KIF21B: variants seen among roughly 807,000 people sequenced by gnomAD.
KIF21B encodes the protein kinesin-like protein KIF21B.
In KIF21B, 85 loss-of-function variants were observed where a neutral mutation model predicts 192.9. That is an observed-to-expected ratio of 0.44 (90% CI 0.37 to 0.53). The LOEUF is 0.53. Ranked by LOEUF, KIF21B falls within the 20% of genes least tolerant of loss-of-function variation. KIF21B has a pLI of 0.00. For missense variants in KIF21B, 1,716 were observed against 2,194.8 expected (o/e 0.78, Z 4.36); for synonymous variants, 832 against 884.6 (o/e 0.94, Z 1.05).
rs377546638 is a variant in KIF21B at position 201,008,185 on chromosome 1, T to C, written c.447+584A>G. On this transcript the variant is annotated intron_variant, in intron 3 of 34. Transcript: ENST00000461742. ...GGTCAAGAGCACAGAGACCCCCTGC[T>C]CCCCACTAAAAGCCCCTCCCTGGCT... Among the ~76,000 whole-genome samples the C allele has an allele frequency of 2.9e-4, 44 of 152,216 alleles. No individual in the cohort carries two copies. The East Asian group carries it at 6.6e-3, about 23-fold the overall frequency.
intron 1 of KIF21B, among the ~76,000 whole-genome samples, chr1:201,021,232 G>A (rs544358238): frequency 6.6e-6 from 1 of 152,316 alleles, no homozygotes; most frequent in East Asian, 1.9e-4. Context: ...TCAGTCCTAA[G>A]CTCTCTGATT....
At chr1:201,003,396 G>A in intron 8 of KIF21B, 190 bp downstream of exon 8, 1 of 634,888 alleles carries the variant, frequency 1.6e-6, no homozygotes, top group Non-Finnish European at 2.8e-6. Flanking sequence ...GATTCACATG[G>A]GTGAGTCCCT....
At position 201,003,596 on chromosome 1, in the gene KIF21B, T is replaced by TC. The variant is rs1164200022; in HGVS notation, c.1201dup (p.Glu401GlyfsTer3). On this transcript the variant is annotated frameshift_variant, in exon 8 of 35. Coordinates refer to ENST00000461742, the MANE Select transcript of KIF21B (RefSeq NM_001252102.2). LOFTEE classifies it high-confidence loss of function. ...CAGGAGCATGCTCACCGCCTTATAC[T>TC]CCATCAGCTCCATCTGCAGCCGAGC... 1 of 1,613,692 alleles carries TC rather than the reference T, an allele frequency of 6.2e-7. No individual in the cohort carries two copies. Among genetic ancestry groups the TC allele is most frequent in the African/African-American group, 1.3e-5 (1 of 74,916 alleles).
In KIF21B at chr1:200,977,327, G is replaced by A. The variant is rs564491313; in HGVS notation, c.4210C>T (p.Arg1404Cys). 9 of 1,614,248 alleles carry A rather than the reference G, an allele frequency of 5.6e-6. No homozygotes were observed. Among genetic ancestry groups the A allele is most frequent in the African/African-American group, 2.7e-5 (2 of 75,072 alleles). ...TCGCCCTGAGCACTGGTGATGGCAC[G>A]GGTGGATGTGGCGGCACAGGCATCC... Reference protein sequence around the residue: ...SGDACAATSTRAITSAQGEHQ... With the variant: ...SGDACAATSTCAITSAQGEHQ... Residue 1404 changes from arginine to cysteine, a missense_variant, in exon 31 of 35, where the codon CGT becomes TGT. Physicochemically the swap from Arg to Cys is radical, Grantham distance 180 (BLOSUM62 -3). Transcript: ENST00000461742.
In KIF21B at chr1:200,974,776, C is replaced by T; in HGVS notation, c.4752G>A (p.Lys1584=). The change falls in exon 34 of 35, where the codon AAG becomes AAA. Residue 1584 remains lysine (K), a synonymous_variant. Transcript: ENST00000461742. The part of the protein sequence containing the change: ...VDNFTPIGEI[K]GHDSPINAIC... ...TGGCATTGATGGGACTGTCGTGGCCCTTGATCTCACCGATGGGTGTGAAGT... is the reference window on the plus strand; with the variant it reads ...TGGCATTGATGGGACTGTCGTGGCCTTTGATCTCACCGATGGGTGTGAAGT... 1 of 1,614,210 alleles carries T rather than the reference C, an allele frequency of 6.2e-7. No homozygotes were observed. The highest frequency in any genetic ancestry group is 1.1e-5 in the South Asian group (1 of 91,086).
chr1:200,988,636 C>T, intron 22 of KIF21B, 92 bp from the exon 23 acceptor site: 2 of 1,464,750 alleles, frequency 1.4e-6, no homozygotes, highest in Non-Finnish European at 1.9e-6. Flanking sequence ...ATCTCACCCA[C>T]TGGAATCAGA....
In KIF21B at chr1:200,975,455, C is replaced by T. The variant is rs1319384255; in HGVS notation, c.4614+44G>A. On this transcript the variant is annotated intron_variant, in intron 33 of 34. Coordinates refer to ENST00000461742, the MANE Select transcript of KIF21B (RefSeq NM_001252102.2). The surrounding 1 kb of genome is among the most constrained non-coding windows in gnomAD (Gnocchi z 4.3). Reference sequence around the variant, plus strand: ...CAAGGCCCTGCGTGGGCTATGGAAACCACCCTACCCGAGTCTACCCTCTCC... The same window carrying T: ...CAAGGCCCTGCGTGGGCTATGGAAATCACCCTACCCGAGTCTACCCTCTCC... 6.4e-7 allele frequency: 1 copy of T among 1,567,518 alleles called. No individual in the cohort carries two copies. The highest frequency in any genetic ancestry group is 1.7e-5 in the Admixed American group (1 of 57,694).
intron 3 of KIF21B, 65 bp from the exon 4 acceptor site, chr1:201,005,759 G>A (rs1657781849): frequency 1.3e-6 from 2 of 1,516,388 alleles, no homozygotes; most frequent in Non-Finnish European, 1.8e-6. Context: ...GCTGCCACAT[G>A]CCTATAAACC....
rs1657355893 is a variant in KIF21B at position 200,999,862 on chromosome 1, G to A, written c.1767+21C>T. Reference sequence around the variant, plus strand: ...ACACAAGGCATGCATGTGGTGAGGTGGGGCGGCCCGTGCTCCTCACCTCCT... The same window carrying A: ...ACACAAGGCATGCATGTGGTGAGGTAGGGCGGCCCGTGCTCCTCACCTCCT... On this transcript the variant is annotated intron_variant, in intron 12 of 34. Transcript: ENST00000461742. The surrounding 1 kb of genome is among the most constrained non-coding windows in gnomAD (Gnocchi z 4.7). 2 of 1,612,126 alleles carry A rather than the reference G, an allele frequency of 1.2e-6. No individual in the cohort carries two copies. Among genetic ancestry groups the A allele is most frequent in the Non-Finnish European group, 1.7e-6 (2 of 1,179,412 alleles).
In KIF21B at chr1:200,970,073, C is replaced by G. The variant is rs559904826; in HGVS notation, c.*3448G>C. 3 of 152,842 alleles carry G rather than the reference C, an allele frequency of 2.0e-5. No individual in the cohort carries two copies. Among genetic ancestry groups the G allele is most frequent in the South Asian group, 2.1e-4 (1 of 4,828 alleles). The allele number at this position is 152,842 out of a possible 1,614,324, so 9.5% of individuals were successfully genotyped here. On this transcript the variant is annotated 3_prime_UTR_variant, in exon 35 of 35. Coordinates refer to ENST00000461742, the MANE Select transcript of KIF21B (RefSeq NM_001252102.2). ...CCACACAAACACGATGGTGAACAGA[C>G]CAGGCACAGGCAACAACCAGGGGAT... is the stretch of plus-strand genomic sequence containing the variant.
chr1:200,975,518 T>C lies in KIF21B; in HGVS notation c.4595A>G (p.Asp1532Gly). The change falls in exon 33 of 35, where the codon GAC (aspartate) becomes GGC (glycine). Residue 1532 changes from aspartate to glycine, a missense_variant. Transcript: ENST00000461742. This position sits in a 1 kb window ranked among gnomAD's most constrained non-coding sequence, Gnocchi z 4.3. ...CCCCACCTGGATGAGCTCCTGCTGGTCTAGGTCCCACTTCTTGATGCCGTT... is the reference window on the plus strand; with the variant it reads ...CCCCACCTGGATGAGCTCCTGCTGGCCTAGGTCCCACTTCTTGATGCCGTT... ...RDNGIKKWDL[D>G]QQELIQQIPN... 6.2e-7 allele frequency: 1 copy of C among 1,612,924 alleles called. No individual in the cohort carries two copies. Among genetic ancestry groups the C allele is most frequent in the African/African-American group, 1.3e-5 (1 of 75,002 alleles).
chr1:200,984,722 G>T, intron 27 of KIF21B, 137 bp downstream of exon 27: 1 of 562,358 alleles, frequency 1.8e-6, no homozygotes, highest in East Asian at 3.4e-5. Flanking sequence ...GGGCATCAGG[G>T]CCTCAGCTCT....
rs560003934 is a variant in KIF21B, at chr1:201,017,753, G to A, written c.41+5590C>T. On this transcript the variant is annotated intron_variant, in intron 1 of 34. Coordinates refer to ENST00000461742, the MANE Select transcript of KIF21B (RefSeq NM_001252102.2). The surrounding 1 kb of genome is among the most constrained non-coding windows in gnomAD (Gnocchi z 4.1). ...AGGGTGCACCTTAAGTCAGCCTCAG[G>A]TGGGACCAGCCCAGCCTTCATAAAG... Among the ~76,000 whole-genome samples, 164 of 152,336 alleles carry A rather than the reference G, an allele frequency of 1.1e-3. No individual in the cohort carries two copies. The highest frequency in any genetic ancestry group is 3.7e-3 in the African/African-American group (154 of 41,582).
At chr1:201,010,102 C>T (rs565804933) in intron 1 of KIF21B, among the ~76,000 whole-genome samples, 9 of 152,326 alleles carry the variant, frequency 5.9e-5, no homozygotes, top group African/African-American at 1.9e-4. Flanking sequence ...CTGCCAATGC[C>T]CATGGGGGCT....
At chr1:201,007,830 CACACACAG>C (rs951010615) in intron 3 of KIF21B, among the ~76,000 whole-genome samples, 2 of 151,964 alleles carry the variant, frequency 1.3e-5, no homozygotes, top group African/African-American at 4.8e-5. Context: ...GACACAGAGC[CACACACAG>C]ACATACAGAC....
chr1:201,004,252 G>T, intron 7 of KIF21B, 88 bp downstream of exon 7: 1 of 1,109,704 alleles, frequency 9.0e-7, no homozygotes. Context: ...TCCTCCTGGG[G>T]CAGGCTTGCG....
chr1:201,008,778 C>G lies in KIF21B; in HGVS notation c.438G>C (p.Gln146His). Residue 146 changes from glutamine (Q) to histidine (H), a missense_variant, in exon 3 of 35, where the codon CAG becomes CAC. Coordinates refer to ENST00000461742, the MANE Select transcript of KIF21B (RefSeq NM_001252102.2). Reference sequence around the variant, plus strand: ...TATGGGGCCACAGTACCTCCAGAAACTGGGCGCTGACTTTGAACTCAGGTC... The same window carrying G: ...TATGGGGCCACAGTACCTCCAGAAAGTGGGCGCTGACTTTGAACTCAGGTC... ...VAGPEFKVSA[Q>H]FLELYNEEIL... 6.3e-7 allele frequency: 1 copy of G among 1,598,534 alleles called. No homozygotes were observed. Among genetic ancestry groups the G allele is most frequent in the South Asian group, 1.1e-5 (1 of 90,656 alleles).
chr1:200,993,765 C>A (rs200416110), intron 15 of KIF21B, among the ~76,000 whole-genome samples: 378 of 91,290 alleles, frequency 4.1e-3, no homozygotes, highest in Admixed American at 6.4e-3. Context: ...CAAAACAAAA[C>A]AAAAAAAAAA....
intron 32 of KIF21B, 48 bp downstream of exon 32, chr1:200,976,728 G>T: frequency 2.5e-6 from 3 of 1,223,198 alleles, no homozygotes; most frequent in Non-Finnish European, 3.5e-6. Flanking sequence ...GGCAAAGATT[G>T]GGGAGAGTGG....
Sources: gnomAD v4.1 joint callset for allele counts (sites outside exome capture counted in the v4.1 genomes callset) on GRCh38, gnomAD v4.1.1 for gene constraint, Gnocchi (gnomAD v3.1) non-coding constraint, MANE v1.5 for transcripts, NCBI Gene and HGNC (gene_info 2026-07-23, HGNC 2026-07-21) for gene names.